Variants in BICD1 observed in about 807,000 individuals in gnomAD.
BICD1 encodes BICD cargo adaptor 1.
Under a neutral mutation model 92.5 loss-of-function variants are expected in BICD1, and 35 were observed. The observed-to-expected ratio is 0.38, with a 90% CI of 0.29 to 0.50. The LOEUF (loss-of-function observed/expected upper bound fraction) is 0.50. BICD1 is among the 20% of genes least tolerant of loss of function. The pLI, the probability that BICD1 is intolerant of heterozygous loss-of-function variation, is 0.93. For missense variants in BICD1, 950 were observed against 1,189.8 expected (o/e 0.80, Z 2.97); for synonymous variants, 429 against 465.1 (o/e 0.92, Z 1.00).
chr12:32,190,584 CA>C (rs1944538307), intron 1 of BICD1, among the ~76,000 whole-genome samples: 1 of 152,144 alleles, frequency 6.6e-6, no homozygotes, highest in African/African-American at 2.4e-5. Flanking sequence ...CACATTGAAG[CA>C]TCTAAATACA....
chr12:32,370,681 A>AT (rs1939706192), intron 9 of BICD1, among the ~76,000 whole-genome samples: 1 of 152,232 alleles, frequency 6.6e-6, no homozygotes, highest in Non-Finnish European at 1.5e-5. Flanking sequence ...GCTGGCTAAG[A>AT]TTCCATTTCT....
intron 2 of BICD1, among the ~76,000 whole-genome samples, chr12:32,271,824 A>G (rs747056883): frequency 2.0e-5 from 3 of 152,130 alleles, no homozygotes; most frequent in African/African-American, 7.2e-5. Context: ...TTCTCTTTGC[A>G]TATTTTATTG....
intron 2 of BICD1, among the ~76,000 whole-genome samples, chr12:32,225,621 G>GTTTTTGTT (rs1411722126): frequency 4.3e-5 from 4 of 92,786 alleles, no homozygotes; most frequent in Non-Finnish European, 4.3e-5. Context: ...CTTTTTTTCT[G>GTTTTTGTT]TTTTTTTTTT....
rs200597704 is a variant in BICD1 at position 32,328,139 on chromosome 12, C to T, written c.1684C>T (p.Arg562Ter). The T allele has an allele frequency of 3.7e-6, 6 of 1,614,126 alleles. No individual in the cohort carries two copies. The highest frequency in any genetic ancestry group is 1.3e-5 in the African/African-American group (1 of 75,020). The change falls in exon 5 of 10, where the codon CGA (arginine) becomes TGA (stop). Residue 562 changes from arginine (R) to a stop codon, truncating the protein, a stop_gained. Transcript: ENST00000652176. LOFTEE classifies it high-confidence loss of function. The surrounding 1 kb of genome is among the most constrained non-coding windows in gnomAD (Gnocchi z 4.4). ...TGATCCCAGAGGACTTTTGTCCCCA[C>T]GATTAGCCAGGCGGGGTGTGTCATC... ...PDDPRGLLSP[R>*]LARRGVSSPV... is the part of the protein sequence containing the mutation.
intron 2 of BICD1, among the ~76,000 whole-genome samples, chr12:32,255,326 A>G (rs1485236849): frequency 6.6e-6 from 1 of 152,106 alleles, no homozygotes; most frequent in African/African-American, 2.4e-5. Context: ...CACATTGGGA[A>G]CTGGGGCTTC....
intron 3 of BICD1, among the ~76,000 whole-genome samples, chr12:32,305,086 TTATG>T (rs1948176599): frequency 6.6e-6 from 1 of 152,210 alleles, no homozygotes; most frequent in East Asian, 1.9e-4. Context: ...ACTGGATAGT[TTATG>T]TAACTGTTCT....
chr12:32,128,908 G>C (rs181027234), intron 1 of BICD1, among the ~76,000 whole-genome samples: 152 of 151,996 alleles, frequency 1.0e-3, no homozygotes, highest in African/African-American at 3.3e-3. Context: ...AAGTAGCCGG[G>C]ACTACAGGCA....
At chr12:32,137,563 CCTTAT>C (rs1456483101) in intron 1 of BICD1, among the ~76,000 whole-genome samples, 3 of 152,112 alleles carry the variant, frequency 2.0e-5, no homozygotes, top group African/African-American at 7.2e-5. Context: ...GAGCACTTGA[CCTTAT>C]CTTCTGACAT....
chr12:32,367,814 C>T (rs542246056), intron 9 of BICD1, 69 bp downstream of exon 9: 78 of 1,392,084 alleles, frequency 5.6e-5, no homozygotes, highest in East Asian at 5.3e-4. Context: ...CTCCCCTTTC[C>T]GACACCTGAA....
chr12:32,173,679 C>A lies in BICD1; in HGVS notation c.214-42568C>A, dbSNP rs540865286. On this transcript the variant is annotated intron_variant, in intron 1 of 9. Coordinates refer to ENST00000652176, the MANE Select transcript of BICD1 (RefSeq NM_001714.4). ...AACACCCAAAGACAGCAATTCTTCA[C>A]TCTAAACCCAATATTCTTCAACTTT... Among the ~76,000 whole-genome samples the A allele has an allele frequency of 3.6e-4, 55 of 152,290 alleles. 1 individual carries two copies. The highest frequency in any genetic ancestry group is 1.2e-3 in the African/African-American group (49 of 41,558).
At chr12:32,154,408 C>T (rs1943378662) in intron 1 of BICD1, among the ~76,000 whole-genome samples, 1 of 152,142 alleles carries the variant, frequency 6.6e-6, no homozygotes, top group Admixed American at 6.5e-5. Context: ...ACTGTTAGAT[C>T]AGTTCTTTAA....
intron 4 of BICD1, among the ~76,000 whole-genome samples, chr12:32,326,394 A>G (rs1948778969): frequency 6.6e-6 from 1 of 152,214 alleles, no homozygotes; most frequent in Non-Finnish European, 1.5e-5. Context: ...GCAATTTCTT[A>G]TATACCTATG....
intron 3 of BICD1, among the ~76,000 whole-genome samples, chr12:32,303,191 G>A (rs936829806): frequency 6.6e-6 from 1 of 151,940 alleles, no homozygotes; most frequent in African/African-American, 2.4e-5. Context: ...GAGATTACAG[G>A]CCTGAGATTA....
intron 1 of BICD1, among the ~76,000 whole-genome samples, chr12:32,162,490 C>G (rs1173533396): frequency 6.6e-6 from 1 of 152,148 alleles, no homozygotes; most frequent in Non-Finnish European, 1.5e-5. Context: ...CTATGGGAAT[C>G]CATTTCCATA....
At chr12:32,349,051 G>A (rs1037981894) in intron 8 of BICD1, among the ~76,000 whole-genome samples, 1 of 152,088 alleles carries the variant, frequency 6.6e-6, no homozygotes, top group Non-Finnish European at 1.5e-5. Flanking sequence ...CTTTGTGCCA[G>A]GGAGTTGGGT....
At chr12:32,221,041 C>T (rs975960288) in intron 2 of BICD1, among the ~76,000 whole-genome samples, 26 of 136,338 alleles carry the variant, frequency 1.9e-4, no homozygotes, top group African/African-American at 7.0e-4. Flanking sequence ...GGGAATTGAA[C>T]AATGAGAACA....
At chr12:32,174,150 G>T (rs975229115) in intron 1 of BICD1, among the ~76,000 whole-genome samples, 1 of 151,824 alleles carries the variant, frequency 6.6e-6, no homozygotes, top group African/African-American at 2.4e-5. Flanking sequence ...TTTCCCTTCT[G>T]TACTCTTTCT....
intron 1 of BICD1, among the ~76,000 whole-genome samples, chr12:32,168,544 C>T (rs1943840904): frequency 6.6e-6 from 1 of 152,206 alleles, no homozygotes; most frequent in Non-Finnish European, 1.5e-5. Flanking sequence ...CCAGAAAGTC[C>T]TAACAGCGGT....
At chr12:32,141,475 T>C (rs1449365893) in intron 1 of BICD1, among the ~76,000 whole-genome samples, 1 of 152,124 alleles carries the variant, frequency 6.6e-6, no homozygotes, top group African/African-American at 2.4e-5. Context: ...GACACACTTT[T>C]TGTTTTGTTT....
Sources: allele counts gnomAD v4.1 joint callset (sites outside exome capture counted in the v4.1 genomes callset), GRCh38; gene constraint gnomAD v4.1.1; non-coding constraint Gnocchi (gnomAD v3.1); transcripts MANE v1.5; gene names NCBI Gene and HGNC (gene_info 2026-07-23, HGNC 2026-07-21).